The following OTUD7A variants were observed in gnomAD, a reference collection of about 807,000 sequenced individuals.
OTUD7A encodes OTU deubiquitinase 7A.
In OTUD7A, 12 loss-of-function variants were observed where a neutral mutation model predicts 65.7. The ratio of observed to expected loss-of-function variants is 0.18; its 90% CI spans 0.12 to 0.30. The LOEUF is 0.30. OTUD7A is among the 10% of genes least tolerant of loss of function. The pLI, the probability that OTUD7A is intolerant of heterozygous loss-of-function variation, is 1.00. For synonymous variants in OTUD7A, 641 were observed against 586.3 expected, an observed-to-expected ratio of 1.09 and a Z score of -1.35; for missense variants, 1,148 against 1,304.8, an observed-to-expected ratio of 0.88 and a Z score of 1.85.
chr15:31,480,045 C>T lies in OTUD7A; in HGVS notation c.*3249G>A, dbSNP rs532510813. On this transcript the variant is annotated 3_prime_UTR_variant, in exon 13 of 13. Coordinates refer to ENST00000307050, the MANE Select transcript of OTUD7A (RefSeq NM_001382637.1). ...AGGTATTTGAACAAGCAGCAAAAAG[C>T]GTTTAACCCCCCGGAGCCCACAGTG... 1.4e-4 allele frequency: 21 copies of T among 152,298 alleles called. No homozygotes were observed. The highest frequency in any genetic ancestry group is 5.1e-4 in the African/African-American group (21 of 41,560). The allele number at this position is 152,298 out of a possible 1,614,324, so 9.4% of individuals were successfully genotyped here. A position where few individuals can be genotyped will look rare whatever the true frequency, so the allele number is the denominator to read the frequency against.
At chr15:31,535,911 A>C (rs961276823) in intron 5 of OTUD7A, among the ~76,000 whole-genome samples, 3 of 151,496 alleles carry the variant, frequency 2.0e-5, no homozygotes, top group South Asian at 2.1e-4. Context: ...CAATCTCCTG[A>C]CCTCGTGATC....
chr15:31,857,051 G>C (rs1897592880), intron 1 of OTUD7A, among the ~76,000 whole-genome samples: 1 of 152,194 alleles, frequency 6.6e-6, no homozygotes, highest in African/African-American at 2.4e-5. Flanking sequence ...AAGGTACCTA[G>C]TCTTACCCTC....
intron 1 of OTUD7A, among the ~76,000 whole-genome samples, chr15:31,668,752 T>C (rs1892397144): frequency 1.3e-5 from 2 of 152,204 alleles, no homozygotes; most frequent in African/African-American, 4.8e-5. Context: ...CAGGGTTGGT[T>C]TTCTGGTTTC....
At chr15:31,528,655 G>A (rs1327309119) in intron 6 of OTUD7A, among the ~76,000 whole-genome samples, 3 of 152,204 alleles carry the variant, frequency 2.0e-5, no homozygotes, top group Non-Finnish European at 4.4e-5. Context: ...CTCTCCCACA[G>A]CTCCTTGGGC....
At chr15:31,613,431 A>C (rs1216295586) in intron 3 of OTUD7A, among the ~76,000 whole-genome samples, 1 of 152,166 alleles carries the variant, frequency 6.6e-6, no homozygotes, top group African/African-American at 2.4e-5. Flanking sequence ...TCTAGAACCC[A>C]AACTCAAACA....
intron 1 of OTUD7A, among the ~76,000 whole-genome samples, chr15:31,758,929 T>G (rs918665939): frequency 1.3e-5 from 2 of 152,360 alleles, no homozygotes; most frequent in African/African-American, 4.8e-5. Flanking sequence ...ATGTCTGGGA[T>G]GCTATCTAGG....
rs550472003 is a variant in OTUD7A, at chr15:31,689,213, C to T, written c.-99-32136G>A. Reference sequence around the variant, plus strand: ...GCAGTATGAAATACATTTCATGACTCTTTCTCAATGAACCTTACACTTTAT... The same window carrying T: ...GCAGTATGAAATACATTTCATGACTTTTTCTCAATGAACCTTACACTTTAT... On this transcript the variant is annotated intron_variant, in intron 1 of 12. Coordinates refer to ENST00000307050, the MANE Select transcript of OTUD7A (RefSeq NM_001382637.1). 449 of 145,842 alleles carry T rather than the reference C, an allele frequency of 3.1e-3. 1 individual carries two copies. The highest frequency in any genetic ancestry group is 0.011 in the African/African-American group (423 of 39,380). 9.0% of individuals were successfully genotyped at this position (145,842 alleles called of 1,614,324 possible).
rs1390481859 is a variant in OTUD7A, at chr15:31,753,739, A to ATC, written c.-99-96664_-99-96663dup. 1.1e-4 allele frequency among the ~76,000 whole-genome samples: 13 copies of ATC among 122,924 alleles called. No homozygotes were observed. The East Asian group carries it at 1.5e-3, about 15-fold the overall frequency. 80.6% of individuals were successfully genotyped at this position (122,924 alleles called of 152,430 possible). A position where few individuals can be genotyped will look rare whatever the true frequency, so the allele number is the denominator to read the frequency against. Reference sequence around the variant, plus strand: ...ATATATATTATATATATATATATATATCTCACAGTTTCTTTATCCATTCCT... The same window carrying ATC: ...ATATATATTATATATATATATATATATCTCTCACAGTTTCTTTATCCATTCCT... On this transcript the variant is annotated intron_variant, in intron 1 of 12. Transcript: ENST00000307050.
intron 3 of OTUD7A, among the ~76,000 whole-genome samples, chr15:31,589,143 G>A (rs1889638903): frequency 6.6e-6 from 1 of 152,094 alleles, no homozygotes; most frequent in Admixed American, 6.5e-5. Flanking sequence ...CAAATCCTGT[G>A]TATGTATACA....
chr15:31,683,279 G>T (rs564877598), intron 1 of OTUD7A, among the ~76,000 whole-genome samples: 1 of 152,176 alleles, frequency 6.6e-6, no homozygotes, highest in South Asian at 2.1e-4. Context: ...CTGTCATCAT[G>T]TATGGCTCTG....
chr15:31,667,832 T>C (rs552044315), intron 1 of OTUD7A, among the ~76,000 whole-genome samples: 17 of 152,232 alleles, frequency 1.1e-4, no homozygotes, highest in Non-Finnish European at 2.2e-4. Context: ...GCAGTTCTTC[T>C]AGTGGTGGCT....
intron 3 of OTUD7A, among the ~76,000 whole-genome samples, chr15:31,609,955 G>C (rs2141221249): frequency 6.6e-6 from 1 of 152,270 alleles, no homozygotes; most frequent in Non-Finnish European, 1.5e-5. Flanking sequence ...TGGATGGCTA[G>C]ACCCAGAAGA....
At chr15:31,766,120 AAG>A (rs1404288836) in intron 1 of OTUD7A, 1 of 1,440,498 alleles carries the variant, frequency 6.9e-7, no homozygotes, top group African/African-American at 1.4e-5. Context: ...GTCTGCAAGT[AAG>A]AGGGTACTTG....
chr15:31,528,496 C>A (rs2042044970), intron 6 of OTUD7A, among the ~76,000 whole-genome samples: 1 of 152,274 alleles, frequency 6.6e-6, no homozygotes, highest in African/African-American at 2.4e-5. Context: ...GCTCAACTGG[C>A]TGGGCATCTT....
chr15:31,787,271 T>A (rs1256689249), intron 1 of OTUD7A, among the ~76,000 whole-genome samples: 1 of 152,198 alleles, frequency 6.6e-6, no homozygotes, highest in African/African-American at 2.4e-5. Flanking sequence ...CCTCACCAAG[T>A]AGGGCTAATT....
At chr15:31,538,554 A>C (rs1422003546) in intron 5 of OTUD7A, among the ~76,000 whole-genome samples, 1 of 152,164 alleles carries the variant, frequency 6.6e-6, no homozygotes, top group East Asian at 1.9e-4. Flanking sequence ...AGGAGCCCTC[A>C]CACATCCAGG....
intron 1 of OTUD7A, among the ~76,000 whole-genome samples, chr15:31,801,521 G>A (rs1404915914): frequency 6.6e-6 from 1 of 152,206 alleles, no homozygotes; most frequent in Non-Finnish European, 1.5e-5. Flanking sequence ...CTCAGATACA[G>A]AGGCATTTTC....
At chr15:31,693,135 T>C (rs1441629150) in intron 1 of OTUD7A, among the ~76,000 whole-genome samples, 2 of 152,218 alleles carry the variant, frequency 1.3e-5, no homozygotes, top group Non-Finnish European at 2.9e-5. Context: ...AGTGGTTTTG[T>C]TTATGGTTCC....
intron 1 of OTUD7A, among the ~76,000 whole-genome samples, chr15:31,864,234 C>T (rs896973310): frequency 1.3e-5 from 2 of 152,226 alleles, no homozygotes; most frequent in Admixed American, 6.5e-5. Flanking sequence ...GCCCTCCAAA[C>T]CGTTCCAACC....
Sources: gnomAD v4.1 joint callset for allele counts (sites outside exome capture counted in the v4.1 genomes callset) on GRCh38, gnomAD v4.1.1 for gene constraint, MANE v1.5 for transcripts, NCBI Gene and HGNC (gene_info 2026-07-23, HGNC 2026-07-21) for gene names.